SPOCK1: variants seen among roughly 807,000 people sequenced by gnomAD.
SPOCK1 encodes testican-1.
Under a neutral mutation model 55.3 loss-of-function variants are expected in SPOCK1, and 23 were observed. That is an observed-to-expected ratio of 0.42 (90% CI 0.30 to 0.59). SPOCK1 has a LOEUF of 0.59. Among genes scored for constraint, SPOCK1 ranks in the 20% least tolerant of loss-of-function variants. The pLI is 0.22. For missense variants in SPOCK1, 499 were observed against 552.5 expected (o/e 0.90, Z 0.97); for synonymous variants, 226 against 221.0 (o/e 1.02, Z -0.20).
chr5:137,460,197 G>C (rs1561541564), intron 2 of SPOCK1, among the ~76,000 whole-genome samples: 1 of 152,210 alleles, frequency 6.6e-6, no homozygotes, highest in Non-Finnish European at 1.5e-5. Flanking sequence ...GGGATGGTCA[G>C]AGTGGTGTAG....
intron 2 of SPOCK1, among the ~76,000 whole-genome samples, chr5:137,305,875 A>G (rs576463040): frequency 6.6e-6 from 1 of 152,194 alleles, no homozygotes; most frequent in Non-Finnish European, 1.5e-5. Flanking sequence ...ATGCATTCAC[A>G]TGGATATATG....
At chr5:137,257,714 T>G (rs960488549) in intron 3 of SPOCK1, among the ~76,000 whole-genome samples, 1 of 152,150 alleles carries the variant, frequency 6.6e-6, no homozygotes, top group African/African-American at 2.4e-5. Flanking sequence ...CCTCTCTACC[T>G]CCAAACATCT....
intron 3 of SPOCK1, among the ~76,000 whole-genome samples, chr5:137,176,850 CTCT>C (rs527912636): frequency 6.6e-6 from 1 of 152,284 alleles, no homozygotes; most frequent in South Asian, 2.1e-4. Flanking sequence ...GCCCTGGTTT[CTCT>C]TCTTATAATA....
chr5:137,271,770 G>T (rs748099955), intron 2 of SPOCK1, among the ~76,000 whole-genome samples: 1 of 144,350 alleles, frequency 6.9e-6, no homozygotes, highest in South Asian at 2.3e-4. Context: ...CAATTGCCTT[G>T]GCACCCAATT....
chr5:137,311,754 A>G (rs1036352107), intron 2 of SPOCK1, among the ~76,000 whole-genome samples: 1 of 152,016 alleles, frequency 6.6e-6, no homozygotes, highest in Non-Finnish European at 1.5e-5. Flanking sequence ...CACTGTTAAC[A>G]TTTTGATGTC....
chr5:137,276,175 GT>G (rs1286547737), intron 2 of SPOCK1, among the ~76,000 whole-genome samples: 1 of 152,182 alleles, frequency 6.6e-6, no homozygotes, highest in African/African-American at 2.4e-5. Flanking sequence ...AGCTTACATG[GT>G]CGAGCCACCA....
At chr5:137,008,882 G>A (rs1351306580) in intron 6 of SPOCK1, among the ~76,000 whole-genome samples, 2 of 152,156 alleles carry the variant, frequency 1.3e-5, no homozygotes, top group Non-Finnish European at 2.9e-5. Flanking sequence ...TAAACTGGGG[G>A]AGAAGGGAAG....
intron 2 of SPOCK1, among the ~76,000 whole-genome samples, chr5:137,461,465 A>G (rs1753487414): frequency 6.6e-6 from 1 of 152,230 alleles, no homozygotes; most frequent in Non-Finnish European, 1.5e-5. Flanking sequence ...TCATTAATGA[A>G]GCAGCTTTTG....
intron 2 of SPOCK1, among the ~76,000 whole-genome samples, chr5:137,418,021 T>G (rs145470398): frequency 0.08 from 12,198 of 152,184 alleles, 1,245 homozygotes; most frequent in African/African-American, 0.24. Context: ...GTTCTCATTG[T>G]TCAATTCCCA....
intron 2 of SPOCK1, among the ~76,000 whole-genome samples, chr5:137,418,902 A>T (rs375381383): frequency 8.5e-5 from 13 of 152,190 alleles, no homozygotes; most frequent in East Asian, 7.7e-4. Flanking sequence ...TGGTATTGCC[A>T]AGGTTTTCTT....
intron 6 of SPOCK1, among the ~76,000 whole-genome samples, chr5:137,044,978 A>AT (rs1752083434): frequency 7.5e-6 from 1 of 133,570 alleles, no homozygotes; most frequent in Non-Finnish European, 1.6e-5. Context: ...TGAACTCATC[A>AT]TTTTTTATGG....
intron 2 of SPOCK1, among the ~76,000 whole-genome samples, chr5:137,337,772 CA>C (rs754377913): frequency 5.3e-5 from 8 of 152,244 alleles, no homozygotes; most frequent in Non-Finnish European, 1.0e-4. Flanking sequence ...CCCTCCTAAA[CA>C]AAGACGTTTT....
intron 5 of SPOCK1, among the ~76,000 whole-genome samples, chr5:137,089,967 C>T (rs1753025264): frequency 6.6e-6 from 1 of 152,208 alleles, no homozygotes; most frequent in Admixed American, 6.5e-5. Context: ...CAGGCTACAG[C>T]ATTTCCCTCC....
intron 3 of SPOCK1, among the ~76,000 whole-genome samples, chr5:137,254,811 A>G (rs1195360581): frequency 1.3e-5 from 2 of 152,234 alleles, no homozygotes; most frequent in Non-Finnish European, 2.9e-5. Flanking sequence ...TGGATTCTGA[A>G]TGTCTAACCA....
chr5:137,063,254 A>G (rs988443282), intron 6 of SPOCK1, among the ~76,000 whole-genome samples: 61 of 151,658 alleles, frequency 4.0e-4, no homozygotes, highest in Middle Eastern at 6.8e-3. Context: ...AAAAAAAAAA[A>G]AAAGAAAGAA....
intron 2 of SPOCK1, among the ~76,000 whole-genome samples, chr5:137,496,985 G>A (rs1228600594): frequency 6.6e-6 from 1 of 152,196 alleles, no homozygotes; most frequent in Non-Finnish European, 1.5e-5. Flanking sequence ...GAAAAAAGAA[G>A]AGGAGGAACA....
At chr5:137,301,076 C>A (rs1387604289) in intron 2 of SPOCK1, among the ~76,000 whole-genome samples, 1 of 152,242 alleles carries the variant, frequency 6.6e-6, no homozygotes, top group Non-Finnish European at 1.5e-5. Context: ...TGGGAATCTT[C>A]TAGTCTCTTA....
chr5:137,245,576 G>T (rs1459962037), intron 3 of SPOCK1, among the ~76,000 whole-genome samples: 3 of 152,090 alleles, frequency 2.0e-5, no homozygotes, highest in Non-Finnish European at 4.4e-5. Flanking sequence ...AGTCAGAAAA[G>T]CACAAGGTCC....
chr5:137,213,573 C>T (rs765341633), intron 3 of SPOCK1, among the ~76,000 whole-genome samples: 4 of 152,184 alleles, frequency 2.6e-5, no homozygotes, highest in African/African-American at 4.8e-5. Flanking sequence ...CTAACCACCA[C>T]GCTCGCAAGA....
Sources: allele counts gnomAD v4.1 joint callset (sites outside exome capture counted in the v4.1 genomes callset), GRCh38; gene constraint gnomAD v4.1.1; transcripts MANE v1.5; gene names NCBI Gene and HGNC (gene_info 2026-07-23, HGNC 2026-07-21).